MTMR14: variants seen among roughly 807,000 people sequenced by gnomAD.
The protein encoded by MTMR14 is phosphatidylinositol-3,5-bisphosphate 3-phosphatase MTMR14.
A neutral mutation model predicts 86.3 loss-of-function variants in MTMR14; 48 were observed. The observed-to-expected ratio is 0.56, with a 90% CI of 0.44 to 0.71. The LOEUF (loss-of-function observed/expected upper bound fraction) is 0.71, where lower values mean the gene tolerates loss of function less well. Ranked by LOEUF, MTMR14 falls within the 30% of genes least tolerant of loss-of-function variation. The probability of loss-of-function intolerance (pLI) is 0.00; values close to 1 mark genes in which losing one functional copy is unlikely to be tolerated. For missense variants in MTMR14, 780 were observed against 834.6 expected, an observed-to-expected ratio of 0.93 and a Z score of 0.81; for synonymous variants, 366 against 326.1, an observed-to-expected ratio of 1.12 and a Z score of -1.32.
intron 2 of MTMR14, among the ~76,000 whole-genome samples, chr3:9,656,465 A>G (rs2047613986): frequency 6.6e-6 from 1 of 151,676 alleles, no homozygotes; most frequent in African/African-American, 2.4e-5. Context: ...TCTGTTGCCC[A>G]GGCTGGAGTG....
rs886545211 is a variant in MTMR14, at chr3:9,677,448, G to GAACAACAAGCAGTCTTTGGGGAA, written c.822+87_822+109dup. ...TCTCTTTGTAAAGGGAGGCCAAGGAGAACAACAAGCAGTCTTTGGGGAAAA... is the reference window on the plus strand; with the variant it reads ...TCTCTTTGTAAAGGGAGGCCAAGGAGAACAACAAGCAGTCTTTGGGGAAAACAACAAGCAGTCTTTGGGGAAAA... On this transcript the variant is annotated intron_variant, in intron 8 of 18. Transcript: ENST00000296003. This position sits in a 1 kb window ranked among gnomAD's most constrained non-coding sequence, Gnocchi z 4.2. 2.1e-6 allele frequency: 3 copies of GAACAACAAGCAGTCTTTGGGGAA among 1,441,798 alleles called. No individual in the cohort carries two copies. Among genetic ancestry groups the GAACAACAAGCAGTCTTTGGGGAA allele is most frequent in the East Asian group, 4.5e-5 (2 of 44,032 alleles). The allele number at this position is 1,441,798 out of a possible 1,614,324, so 89.3% of individuals were successfully genotyped here.
intron 18 of MTMR14, among the ~76,000 whole-genome samples, chr3:9,698,464 C>T (rs925095434): frequency 2.0e-5 from 3 of 152,228 alleles, no homozygotes; most frequent in Non-Finnish European, 2.9e-5. Flanking sequence ...CCTGTTCTGC[C>T]GCTTCATGGA....
chr3:9,674,595 C>G (rs1489194786), intron 7 of MTMR14, among the ~76,000 whole-genome samples: 1 of 152,020 alleles, frequency 6.6e-6, no homozygotes, highest in Non-Finnish European at 1.5e-5. Flanking sequence ...CAAGACCAGC[C>G]TGGGAAACAG....
At chr3:9,664,853 G>A (rs78547086) in intron 3 of MTMR14, among the ~76,000 whole-genome samples, 4,028 of 152,172 alleles carry the variant, frequency 0.026, 169 homozygotes, top group African/African-American at 0.09. Flanking sequence ...GTACAACAGG[G>A]TGACTGCAGT....
intron 3 of MTMR14, among the ~76,000 whole-genome samples, chr3:9,666,281 G>A (rs1044720522): frequency 6.6e-6 from 1 of 151,918 alleles, no homozygotes; most frequent in African/African-American, 2.4e-5. Context: ...TTATAGGCAC[G>A]TGCCTCCACA....
intron 15 of MTMR14, 85 bp downstream of exon 15, chr3:9,688,839 T>C: frequency 6.2e-7 from 1 of 1,607,546 alleles, no homozygotes; most frequent in South Asian, 1.1e-5. Flanking sequence ...TGCTAAGAGG[T>C]TTTTTGTTTT....
At chr3:9,672,498 C>A (rs763503811) in intron 6 of MTMR14, among the ~76,000 whole-genome samples, 187 bp from the exon 7 acceptor site, 1 of 152,154 alleles carries the variant, frequency 6.6e-6, no homozygotes, top group Non-Finnish European at 1.5e-5. Context: ...GACCTCCAGC[C>A]GATGCACCCA....
At chr3:9,683,495 C>T (rs564699235) in intron 10 of MTMR14, 1 of 490,880 alleles carries the variant, frequency 2.0e-6, no homozygotes, top group Admixed American at 3.3e-5. Flanking sequence ...AGGGTATTTT[C>T]ACACTGTCTC....
chr3:9,688,558 A>G (rs2076036394), intron 14 of MTMR14, 138 bp from the exon 15 acceptor site: 6 of 941,432 alleles, frequency 6.4e-6, no homozygotes, highest in African/African-American at 1.6e-5. Context: ...GTGTCTTATA[A>G]CACTCCCTAG....
intron 5 of MTMR14, 67 bp from the exon 6 acceptor site, chr3:9,670,981 G>C: frequency 6.2e-7 from 1 of 1,607,018 alleles, no homozygotes; most frequent in Non-Finnish European, 8.5e-7. Flanking sequence ...CCCTGAATGA[G>C]TGCCCACCCC....
rs1011375738 is a variant in MTMR14 at position 9,701,604 on chromosome 3, G to A, written c.1770-186G>A. ...AGTAGCCTGAGGGCTTAGAGGAATG[G>A]TTTAAGGGAAAACAGGGCCAGATAT... On this transcript the variant is annotated intron_variant, in intron 18 of 18. Coordinates refer to ENST00000296003, the MANE Select transcript of MTMR14 (RefSeq NM_001077525.3). This position sits in a 1 kb window ranked among gnomAD's most constrained non-coding sequence, Gnocchi z 4.2. 2.8e-6 allele frequency: 2 copies of A among 717,570 alleles called. No individual in the cohort carries two copies. Among genetic ancestry groups the A allele is most frequent in the African/African-American group, 1.7e-5 (1 of 57,576 alleles). The allele number at this position is 717,570 out of a possible 1,614,324, so 44.5% of individuals were successfully genotyped here.
At chr3:9,699,037 G>A (rs2125417232) in intron 18 of MTMR14, among the ~76,000 whole-genome samples, 1 of 152,042 alleles carries the variant, frequency 6.6e-6, no homozygotes, top group South Asian at 2.1e-4. Context: ...GCGAGGTGGT[G>A]AATGCCTATT....
At chr3:9,690,266 A>G (rs1575068862) in intron 17 of MTMR14, 123 bp downstream of exon 17, 1 of 1,059,600 alleles carries the variant, frequency 9.4e-7, no homozygotes, top group East Asian at 2.5e-5. Flanking sequence ...TTGCAGGCCC[A>G]GTATTTGGAG....
At chr3:9,668,134 C>T (rs1297754825) in intron 3 of MTMR14, among the ~76,000 whole-genome samples, 5 of 152,114 alleles carry the variant, frequency 3.3e-5, no homozygotes, top group African/African-American at 9.7e-5. Flanking sequence ...TAACAGTGAT[C>T]CCTTCAGTGA....
At position 9,658,168 on chromosome 3, in the gene MTMR14, G is replaced by A. The variant is rs898119964; in HGVS notation, c.309-4099G>A. Among the ~76,000 whole-genome samples, 21 of 152,324 alleles carry A rather than the reference G, an allele frequency of 1.4e-4. 1 individual carries two copies. The East Asian group carries it at 2.9e-3, about 21-fold the overall frequency. ...TGCTTGTTGAAAGGGGGGACTTCGGGTATGTTTGGGTGGGAAGAAATAGCA... is the reference window on the plus strand; with the variant it reads ...TGCTTGTTGAAAGGGGGGACTTCGGATATGTTTGGGTGGGAAGAAATAGCA... On this transcript the variant is annotated intron_variant, in intron 2 of 18. Coordinates refer to ENST00000296003, the MANE Select transcript of MTMR14 (RefSeq NM_001077525.3).
chr3:9,690,283 TTA>T, intron 17 of MTMR14, 140 bp downstream of exon 17: 1 of 950,458 alleles, frequency 1.1e-6, no homozygotes, highest in Non-Finnish European at 1.6e-6. Flanking sequence ...GGAGGATGGG[TTA>T]GTGTTTGGTA....
intron 7 of MTMR14, among the ~76,000 whole-genome samples, chr3:9,676,125 T>C (rs1357362586): frequency 6.6e-6 from 1 of 152,226 alleles, no homozygotes; most frequent in African/African-American, 2.4e-5. Context: ...TGAATCTTCT[T>C]TGTGGCTACT....
In MTMR14 at chr3:9,696,348, A is replaced by C. The variant is rs929390078; in HGVS notation, c.1614-1363A>C. On this transcript the variant is annotated intron_variant, in intron 17 of 18. Coordinates refer to ENST00000296003, the MANE Select transcript of MTMR14 (RefSeq NM_001077525.3). ...CCCTATCTCTACTAAAAATAGACAC[A>C]AAAAAATTAGCCGGGCATGGTGGCG... Among the ~76,000 whole-genome samples the C allele has an allele frequency of 1.1e-4, 16 of 152,104 alleles. 1 individual carries two copies. Among genetic ancestry groups the C allele is most frequent in the African/African-American group, 3.9e-4 (16 of 41,418 alleles).
intron 14 of MTMR14, 98 bp downstream of exon 14, chr3:9,687,989 C>A: frequency 9.5e-7 from 1 of 1,049,114 alleles, no homozygotes; most frequent in Non-Finnish European, 1.4e-6. Context: ...CCCGCCCTGC[C>A]TCCCTGCTTG....
Sources: allele counts gnomAD v4.1 joint callset (sites outside exome capture counted in the v4.1 genomes callset), GRCh38; gene constraint gnomAD v4.1.1; non-coding constraint Gnocchi (gnomAD v3.1); transcripts MANE v1.5; gene names NCBI Gene and HGNC (gene_info 2026-07-23, HGNC 2026-07-21).